The following ADARB2 variants were observed in gnomAD, a reference collection of about 807,000 sequenced individuals.
ADARB2 encodes the protein inactive double-stranded RNA-specific editase B2.
In ADARB2, 25 loss-of-function variants were observed where a neutral mutation model predicts 62.2. That is an observed-to-expected ratio of 0.40 (90% CI 0.29 to 0.56). The LOEUF is 0.56. Ranked by LOEUF, ADARB2 falls within the 20% of genes least tolerant of loss-of-function variation. The pLI, the probability that ADARB2 is intolerant of heterozygous loss-of-function variation, is 0.43. For missense variants in ADARB2, 1,071 were observed against 1,077.4 expected, an observed-to-expected ratio of 0.99 and a Z score of 0.08; for synonymous variants, 572 against 500.8, an observed-to-expected ratio of 1.14 and a Z score of -1.90.
intron 1 of ADARB2, among the ~76,000 whole-genome samples, chr10:1,591,594 C>A (rs1588314785): frequency 6.6e-6 from 1 of 152,056 alleles, no homozygotes; most frequent in Admixed American, 6.5e-5. Context: ...TGCCACTTCC[C>A]TCCACATTAA....
At chr10:1,713,329 C>T (rs920891316) in intron 1 of ADARB2, among the ~76,000 whole-genome samples, 4 of 152,182 alleles carry the variant, frequency 2.6e-5, no homozygotes, top group Non-Finnish European at 5.9e-5. Context: ...ACCACCTTAC[C>T]ACAGAACTGT....
At chr10:1,542,202 A>ATG (rs1832441369) in intron 1 of ADARB2, among the ~76,000 whole-genome samples, 1 of 18,722 alleles carries the variant, frequency 5.3e-5, no homozygotes, top group Admixed American at 6.5e-4. Context: ...CCACACTCAG[A>ATG]TATAGTTCAG....
chr10:1,485,437 A>C (rs2131927759), intron 1 of ADARB2, among the ~76,000 whole-genome samples: 1 of 152,184 alleles, frequency 6.6e-6, no homozygotes, highest in East Asian at 1.9e-4. Flanking sequence ...AGACATGTAG[A>C]CATGTACCTA....
chr10:1,208,820 G>C (rs754839888), intron 7 of ADARB2, among the ~76,000 whole-genome samples: 1 of 152,226 alleles, frequency 6.6e-6, no homozygotes, highest in Non-Finnish European at 1.5e-5. Context: ...GGCCTGATTT[G>C]TCGGGGGAGA....
chr10:1,481,119 C>T (rs940302322), intron 1 of ADARB2, among the ~76,000 whole-genome samples: 6 of 152,192 alleles, frequency 3.9e-5, no homozygotes, highest in African/African-American at 1.4e-4. Context: ...ATACCACACA[C>T]AGACCAATGA....
At chr10:1,333,753 C>T (rs192602118) in intron 3 of ADARB2, among the ~76,000 whole-genome samples, 2 of 152,068 alleles carry the variant, frequency 1.3e-5, no homozygotes, top group Non-Finnish European at 2.9e-5. Flanking sequence ...TCTGTGGGGC[C>T]GATGGTGAGA....
chr10:1,725,730 GTTTT>G (rs1835155606), intron 1 of ADARB2, among the ~76,000 whole-genome samples: 1 of 152,212 alleles, frequency 6.6e-6, no homozygotes, highest in Admixed American at 6.5e-5. Context: ...CCGCAGATGC[GTTTT>G]TTGTTATGAG....
chr10:1,705,145 T>C (rs749660678), intron 1 of ADARB2, among the ~76,000 whole-genome samples: 34 of 152,270 alleles, frequency 2.2e-4, no homozygotes, highest in Non-Finnish European at 3.5e-4. Flanking sequence ...TCCAAACCTC[T>C]GTAGCCTCAG....
chr10:1,582,674 G>A (rs1329289257), intron 1 of ADARB2, among the ~76,000 whole-genome samples: 2 of 152,166 alleles, frequency 1.3e-5, no homozygotes, highest in African/African-American at 4.8e-5. Context: ...ATCTGCTGGT[G>A]TCTGTGGCTC....
chr10:1,214,507 T>C (rs1019130890), intron 7 of ADARB2, among the ~76,000 whole-genome samples: 2 of 149,758 alleles, frequency 1.3e-5, no homozygotes, highest in African/African-American at 2.5e-5. Context: ...TGTGTAGGTT[T>C]GCACCTGTAC....
chr10:1,463,403 G>T (rs1564296947), intron 1 of ADARB2, among the ~76,000 whole-genome samples: 1 of 152,216 alleles, frequency 6.6e-6, no homozygotes, highest in African/African-American at 2.4e-5. Context: ...AGAGGAGCGT[G>T]TCCTGGTCCA....
chr10:1,372,016 G>T (rs1670187874), intron 2 of ADARB2, among the ~76,000 whole-genome samples: 1 of 152,130 alleles, frequency 6.6e-6, no homozygotes, highest in East Asian at 1.9e-4. Context: ...GTACGTGTAT[G>T]TTCACCTCAG....
chr10:1,387,182 T>C (rs1438380450), intron 1 of ADARB2, among the ~76,000 whole-genome samples: 1 of 151,920 alleles, frequency 6.6e-6, no homozygotes, highest in East Asian at 1.9e-4. Flanking sequence ...CGTCCAACAT[T>C]ATCTAAGCTT....
Position 1,343,441 on chromosome 10 carries a change from G to A in ADARB2, c.1077+19587C>T, listed in dbSNP as rs572072738. ...AGCTAGTGGGAATGTAGATTAGCTC[G>A]GCCATTGTGGAAAGCAATTTGGCAA... On this transcript the variant is annotated intron_variant, in intron 3 of 9. Coordinates refer to ENST00000381312, the MANE Select transcript of ADARB2 (RefSeq NM_018702.4). Among the ~76,000 whole-genome samples, 8 of 152,156 alleles carry A rather than the reference G, an allele frequency of 5.3e-5. No homozygotes were observed. In the South Asian group the frequency reaches 1.0e-3, roughly 20 times the overall value.
At chr10:1,344,685 G>A (rs1832062327) in intron 3 of ADARB2, among the ~76,000 whole-genome samples, 1 of 152,216 alleles carries the variant, frequency 6.6e-6, no homozygotes, top group South Asian at 2.1e-4. Flanking sequence ...GGTGCTAGGA[G>A]GGTGGTCAGA....
Position 1,188,718 on chromosome 10 carries a change from C to T in ADARB2, c.1865-3679G>A, listed in dbSNP as rs544594981. ...CTGACATCGCTGTGACTAATATCTGCAGCTGATCATGCCCGTGGAGCGGGA... is the reference window on the plus strand; with the variant it reads ...CTGACATCGCTGTGACTAATATCTGTAGCTGATCATGCCCGTGGAGCGGGA... On this transcript the variant is annotated intron_variant, in intron 8 of 9. Transcript: ENST00000381312. 5.3e-5 allele frequency among the ~76,000 whole-genome samples: 8 copies of T among 151,746 alleles called. No individual in the cohort carries two copies. The South Asian group carries it at 8.3e-4, about 16-fold the overall frequency.
chr10:1,202,941 G>A (rs760756407), intron 7 of ADARB2, among the ~76,000 whole-genome samples: 1 of 152,152 alleles, frequency 6.6e-6, no homozygotes, highest in African/African-American at 2.4e-5. Flanking sequence ...TTCTCTATCT[G>A]GTTCCTACCT....
At chr10:1,257,473 G>A (rs981813240) in intron 4 of ADARB2, among the ~76,000 whole-genome samples, 2 of 152,182 alleles carry the variant, frequency 1.3e-5, no homozygotes, top group Non-Finnish European at 2.9e-5. Flanking sequence ...CAGCACTCAG[G>A]GATCAGATGC....
chr10:1,221,768 A>G (rs1163904274), intron 6 of ADARB2, among the ~76,000 whole-genome samples: 2 of 152,144 alleles, frequency 1.3e-5, no homozygotes, highest in Non-Finnish European at 2.9e-5. Context: ...TTATGGCTGC[A>G]TAGTATTCCA....
Sources: gnomAD v4.1 joint callset for allele counts (sites outside exome capture counted in the v4.1 genomes callset) on GRCh38, gnomAD v4.1.1 for gene constraint, MANE v1.5 for transcripts, NCBI Gene and HGNC (gene_info 2026-07-23, HGNC 2026-07-21) for gene names.